Variants in MYO5B observed in about 807,000 individuals in gnomAD.
The protein encoded by MYO5B is myosin VB.
Under a neutral mutation model 229.3 loss-of-function variants are expected in MYO5B, and 143 were observed. That is an observed-to-expected ratio of 0.62 (90% CI 0.54 to 0.72). The LOEUF (loss-of-function observed/expected upper bound fraction) is 0.72, where lower values mean the gene tolerates loss of function less well. MYO5B is among the 30% of genes least tolerant of loss of function. MYO5B has a pLI of 0.00. For missense variants in MYO5B, 2,321 were observed against 2,331.0 expected, an observed-to-expected ratio of 1.00 and a Z score of 0.09; for synonymous variants, 918 against 885.2, an observed-to-expected ratio of 1.04 and a Z score of -0.66.
chr18:49,949,157 T>C (rs903532067), intron 14 of MYO5B, among the ~76,000 whole-genome samples: 4 of 152,190 alleles, frequency 2.6e-5, no homozygotes, highest in African/African-American at 9.6e-5. Context: ...ACACCCTCAC[T>C]GCCCAGCACA....
At chr18:50,029,126 C>G (rs116842769) in intron 4 of MYO5B, among the ~76,000 whole-genome samples, 1,841 of 152,288 alleles carry the variant, frequency 0.012, 14 homozygotes, top group South Asian at 0.034. Flanking sequence ...ATAAAACTAG[C>G]AATTTGAATA....
rs1353240574 is a variant in MYO5B, at chr18:49,966,972, T to C, written c.1323-3942A>G. Among the ~76,000 whole-genome samples, 3 of 152,328 alleles carry C rather than the reference T, an allele frequency of 2.0e-5. No individual in the cohort carries two copies. The East Asian group carries it at 5.8e-4, about 29-fold the overall frequency. On this transcript the variant is annotated intron_variant, in intron 10 of 39. Coordinates refer to ENST00000285039, the MANE Select transcript of MYO5B (RefSeq NM_001080467.3). Reference sequence around the variant, plus strand: ...CCTCCCATCAACAGAGAAGACTTTTTAAAATAAACACAATGAATCAATTTA... The same window carrying C: ...CCTCCCATCAACAGAGAAGACTTTTCAAAATAAACACAATGAATCAATTTA...
intron 1 of MYO5B, among the ~76,000 whole-genome samples, chr18:50,183,562 G>A (rs1373317369): frequency 6.6e-6 from 1 of 151,906 alleles, no homozygotes. Context: ...TTCACTGGAG[G>A]ATGTTAAGTG....
Position 49,947,101 on chromosome 18 carries a change from C to CT in MYO5B, c.1752+6158dup, listed in dbSNP as rs74176748. On this transcript the variant is annotated intron_variant, in intron 14 of 39. Coordinates refer to ENST00000285039, the MANE Select transcript of MYO5B (RefSeq NM_001080467.3). ...CACAATGAAAAGTAGTCACCAAGCTCTTTTTTTTTTTTTTTTTTTTTTGAG... is the reference window on the plus strand; with the variant it reads ...CACAATGAAAAGTAGTCACCAAGCTCTTTTTTTTTTTTTTTTTTTTTTTGAG... Among the ~76,000 whole-genome samples the CT allele has an allele frequency of 9.3e-3, 1,006 of 108,276 alleles. 25 individuals carry two copies. The highest frequency in any genetic ancestry group is 0.043 in the East Asian group (160 of 3,762). The allele number at this position is 108,276 out of a possible 152,430, so 71.0% of individuals were successfully genotyped here. A position where few individuals can be genotyped will look rare whatever the true frequency, so the allele number is the denominator to read the frequency against.
chr18:50,038,333 G>C (rs1302075547), intron 3 of MYO5B, among the ~76,000 whole-genome samples: 1 of 152,180 alleles, frequency 6.6e-6, no homozygotes, highest in African/African-American at 2.4e-5. Context: ...TGTCTGAAAA[G>C]AGACACTGGG....
chr18:50,193,177 A>T (rs2033251352), intron 1 of MYO5B, among the ~76,000 whole-genome samples: 1 of 152,162 alleles, frequency 6.6e-6, no homozygotes, highest in Non-Finnish European at 1.5e-5. Flanking sequence ...CTGAAAGCTG[A>T]GCTTTTAGGG....
chr18:49,870,374 C>T (rs2024443654), intron 27 of MYO5B, among the ~76,000 whole-genome samples: 1 of 152,188 alleles, frequency 6.6e-6, no homozygotes. Flanking sequence ...CTTATGACAT[C>T]AGATTTGATG....
intron 1 of MYO5B, among the ~76,000 whole-genome samples, chr18:50,175,061 T>C (rs1355534785): frequency 6.6e-6 from 1 of 152,218 alleles, no homozygotes; most frequent in Non-Finnish European, 1.5e-5. Flanking sequence ...TATGGGGAAG[T>C]GACATCTAAA....
rs71169467 is a variant in MYO5B, at chr18:49,957,142, C to CAAAAAAAA, written c.1546-2715_1546-2708dup. On this transcript the variant is annotated intron_variant, in intron 12 of 39. Transcript: ENST00000285039. ...ACTCCTTGCTAGTAAAATAAAGTAG[C>CAAAAAAAA]AAAAAAAAAAAAAAAAAAAAAAAGC... Among the ~76,000 whole-genome samples, 145 of 58,718 alleles carry CAAAAAAAA rather than the reference C, an allele frequency of 2.5e-3. 17 individuals carry two copies. Among genetic ancestry groups the CAAAAAAAA allele is most frequent in the African/African-American group, 7.5e-3 (95 of 12,600 alleles). The allele number at this position is 58,718 out of a possible 152,430, so 38.5% of individuals were successfully genotyped here.
intron 1 of MYO5B, among the ~76,000 whole-genome samples, chr18:50,180,178 C>T (rs938352895): frequency 6.6e-6 from 1 of 152,226 alleles, no homozygotes; most frequent in Non-Finnish European, 1.5e-5. Context: ...CACTCAGAAC[C>T]TGAGGAGCTG....
At chr18:49,925,828 G>A (rs1055235216) in intron 17 of MYO5B, among the ~76,000 whole-genome samples, 2 of 152,196 alleles carry the variant, frequency 1.3e-5, no homozygotes, top group Non-Finnish European at 2.9e-5. Context: ...AGCAGGCAAT[G>A]AAAGGCAGTC....
chr18:50,052,360 A>G (rs9964641), intron 2 of MYO5B, among the ~76,000 whole-genome samples: 141,055 of 144,298 alleles, frequency 0.98, 69,046 homozygotes, highest in East Asian at 1. Context: ...ATACACCATG[A>G]AATACTATGC....
chr18:50,022,784 A>G (rs987924801), intron 4 of MYO5B, among the ~76,000 whole-genome samples: 5 of 152,216 alleles, frequency 3.3e-5, no homozygotes, highest in Admixed American at 6.5e-5. Context: ...AGGAAGGGTC[A>G]CAGAGGAACC....
chr18:49,879,407 T>C (rs1333898445), intron 23 of MYO5B: 9 of 412,222 alleles, frequency 2.2e-5, no homozygotes, highest in Non-Finnish European at 3.2e-5. Flanking sequence ...CTGGCAGCAT[T>C]CCTGGAAGAA....
intron 16 of MYO5B, among the ~76,000 whole-genome samples, chr18:49,931,484 G>A (rs2025191177): frequency 6.6e-6 from 1 of 152,206 alleles, no homozygotes; most frequent in African/African-American, 2.4e-5. Flanking sequence ...ACACAGCTCT[G>A]AACAAAACAT....
At chr18:50,136,511 C>T (rs565074376) in intron 1 of MYO5B, among the ~76,000 whole-genome samples, 1 of 152,102 alleles carries the variant, frequency 6.6e-6, no homozygotes, top group African/African-American at 2.4e-5. Flanking sequence ...TCTTTTTAAC[C>T]TCTTCAAATC....
At chr18:50,025,654 C>A (rs2026323037) in intron 4 of MYO5B, among the ~76,000 whole-genome samples, 1 of 152,212 alleles carries the variant, frequency 6.6e-6, no homozygotes, top group South Asian at 2.1e-4. Flanking sequence ...TTTAACCCAG[C>A]CTAGACAGAT....
intron 2 of MYO5B, among the ~76,000 whole-genome samples, chr18:50,047,437 A>G (rs1209787862): frequency 6.6e-6 from 1 of 152,146 alleles, no homozygotes; most frequent in Non-Finnish European, 1.5e-5. Context: ...AAGTCAGGAA[A>G]CAACAGGTGC....
chr18:49,953,154 G>A, intron 14 of MYO5B, 106 bp downstream of exon 14: 1 of 1,066,340 alleles, frequency 9.4e-7, no homozygotes, highest in South Asian at 1.3e-5. Context: ...CCTCCTCCCT[G>A]CCCAGCATCT....
Sources: gnomAD v4.1 joint callset for allele counts (sites outside exome capture counted in the v4.1 genomes callset) on GRCh38, gnomAD v4.1.1 for gene constraint, MANE v1.5 for transcripts, NCBI Gene and HGNC (gene_info 2026-07-23, HGNC 2026-07-21) for gene names.